Variants in PALLD observed in about 807,000 individuals in gnomAD.
PALLD encodes palladin.
PALLD carries 61 observed loss-of-function variants against 123.5 expected under a neutral mutation model. That is an observed-to-expected ratio of 0.49 (90% CI 0.40 to 0.61). The LOEUF is 0.61. PALLD is among the 20% of genes least tolerant of loss of function. The pLI, the probability that PALLD is intolerant of heterozygous loss-of-function variation, is 0.00. For synonymous variants in PALLD, 465 were observed against 496.4 expected (o/e 0.94, Z 0.84); for missense variants, 1,273 against 1,377.0 (o/e 0.92, Z 1.20).
At chr4:168,547,084 C>T (rs765781825) in intron 2 of PALLD, among the ~76,000 whole-genome samples, 1 of 151,972 alleles carries the variant, frequency 6.6e-6, no homozygotes, top group Non-Finnish European at 1.5e-5. Flanking sequence ...ATTCTGTTAC[C>T]CCTTGTCTCA....
At position 168,903,806 on chromosome 4, in the gene PALLD, A is replaced by G. The variant is rs1446250415; in HGVS notation, c.2522A>G (p.Tyr841Cys). 2 of 1,611,044 alleles carry G rather than the reference A, an allele frequency of 1.2e-6. No individual in the cohort carries two copies. Among genetic ancestry groups the G allele is most frequent in the Non-Finnish European group, 8.5e-7 (1 of 1,177,244 alleles). The change falls in exon 15 of 22, where the codon TAC (tyrosine) becomes TGC (cysteine). Residue 841 changes from tyrosine to cysteine, a missense_variant. Physicochemically the swap from Tyr to Cys is radical, Grantham distance 194. Around this residue, in one of 2 missense-constraint regions of PALLD, gnomAD observed 329 missense variants for 422.5 expected, o/e 0.78. Transcript: ENST00000505667. Reference protein sequence around the residue: ...GKQISPKSDHYTIQRDLDGTC... With the variant: ...GKQISPKSDHCTIQRDLDGTC... Reference sequence around the variant, plus strand: ...CAGATCTCTCCAAAGAGTGATCACTACACCATTCAAAGAGATCTCGATGGG... The same window carrying G: ...CAGATCTCTCCAAAGAGTGATCACTGCACCATTCAAAGAGATCTCGATGGG...
At chr4:168,515,244 CAT>C (rs879622762) in intron 2 of PALLD, among the ~76,000 whole-genome samples, 6 of 152,170 alleles carry the variant, frequency 3.9e-5, no homozygotes, top group African/African-American at 1.4e-4. Flanking sequence ...CTTTTGACCA[CAT>C]GAGACATATG....
chr4:168,522,595 G>A (rs1763662315), intron 2 of PALLD, among the ~76,000 whole-genome samples: 1 of 152,132 alleles, frequency 6.6e-6, no homozygotes, highest in African/African-American at 2.4e-5. Flanking sequence ...CATAATTACA[G>A]CAATTCAAGG....
At chr4:168,878,772 T>G (rs1338964659) in intron 10 of PALLD, among the ~76,000 whole-genome samples, 2 of 151,302 alleles carry the variant, frequency 1.3e-5, no homozygotes, top group African/African-American at 4.9e-5. Context: ...TCCTAAGAGG[T>G]AGCATTGCCC....
intron 2 of PALLD, among the ~76,000 whole-genome samples, chr4:168,566,388 C>T (rs1768383560): frequency 6.6e-6 from 1 of 152,130 alleles, no homozygotes; most frequent in Admixed American, 6.6e-5. Context: ...ACCTTGATCT[C>T]CCAGGGTCAA....
In PALLD at chr4:168,511,433, C is replaced by T; in HGVS notation, c.-72C>T. ...TATGCTGTCTTTCAGAACACAGTTT[C>T]AGAAAACAGTTTCCAGTGCCTCTGG... On this transcript the variant is annotated 5_prime_UTR_variant, in exon 2 of 22. Coordinates refer to ENST00000505667, the MANE Select transcript of PALLD (RefSeq NM_001166108.2). 8.8e-7 allele frequency: 1 copy of T among 1,139,172 alleles called. No homozygotes were observed. Among genetic ancestry groups the T allele is most frequent in the East Asian group, 2.3e-5 (1 of 42,722 alleles). The allele number at this position is 1,139,172 out of a possible 1,614,324, so 70.6% of individuals were successfully genotyped here. A position where few individuals can be genotyped will look rare whatever the true frequency, so the allele number is the denominator to read the frequency against.
At chr4:168,763,146 G>A (rs775037006) in intron 10 of PALLD, among the ~76,000 whole-genome samples, 2 of 152,172 alleles carry the variant, frequency 1.3e-5, no homozygotes, top group East Asian at 1.9e-4. Context: ...CATTCTGCAC[G>A]TGTATCCCAG....
chr4:168,684,468 C>G (rs1431131345), intron 5 of PALLD, among the ~76,000 whole-genome samples: 3 of 152,102 alleles, frequency 2.0e-5, no homozygotes, highest in Non-Finnish European at 2.9e-5. Context: ...AACGGAGGGA[C>G]CTTAAGCAAA....
chr4:168,861,477 A>G (rs193112308), intron 10 of PALLD, among the ~76,000 whole-genome samples: 1 of 152,154 alleles, frequency 6.6e-6, no homozygotes, highest in Admixed American at 6.5e-5. Context: ...TATCTTTTGC[A>G]TTTTGAAGAG....
At chr4:168,686,029 CT>C (rs994017017) in intron 6 of PALLD, among the ~76,000 whole-genome samples, 6 of 151,404 alleles carry the variant, frequency 4.0e-5, no homozygotes, top group Admixed American at 1.3e-4. Context: ...TTTTTCCTTC[CT>C]TTTTTTTAGA....
chr4:168,778,457 G>C (rs1735471529), intron 10 of PALLD, among the ~76,000 whole-genome samples: 1 of 152,172 alleles, frequency 6.6e-6, no homozygotes, highest in South Asian at 2.1e-4. Context: ...TAATAAAGTA[G>C]AGGCTTAAGC....
intron 2 of PALLD, among the ~76,000 whole-genome samples, chr4:168,539,071 T>G (rs1047754000): frequency 5.3e-5 from 8 of 152,232 alleles, no homozygotes; most frequent in Non-Finnish European, 1.2e-4. Flanking sequence ...AATTTGAAAT[T>G]GTTAAGAACA....
rs1304151546 is a variant in PALLD at position 168,683,054 on chromosome 4, C to T, written c.1211C>T (p.Thr404Ile). ...SLTIGSSSPK[T>I]GVTTAVIQPL... ...ACAATAGGATCATCATCTCCAAAGA[C>T]AGGGGTGACCACAGCTGTGATTCAA... The change falls in exon 5 of 22, where the codon ACA (threonine) becomes ATA (isoleucine). Residue 404 changes from threonine to isoleucine, a missense_variant. By Grantham distance (89) the Thr-to-Ile change is moderately conservative. Transcript: ENST00000505667. 1 of 1,612,984 alleles carries T rather than the reference C, an allele frequency of 6.2e-7. No individual in the cohort carries two copies. Among genetic ancestry groups the T allele is most frequent in the Admixed American group, 1.7e-5 (1 of 59,986 alleles).
intron 2 of PALLD, among the ~76,000 whole-genome samples, chr4:168,567,327 G>A (rs2076250433): frequency 6.6e-6 from 1 of 150,928 alleles, no homozygotes; most frequent in South Asian, 2.2e-4. Flanking sequence ...AACTCAATAA[G>A]AAATAAACAA....
chr4:168,785,865 A>ATATATATATATATATC, intron 10 of PALLD, among the ~76,000 whole-genome samples: 1 of 137,488 alleles, frequency 7.3e-6, no homozygotes, highest in Non-Finnish European at 1.6e-5. Context: ...ATATATATAT[A>ATATATATATATATATC]TATATATATA....
At chr4:168,771,830 C>A (rs1269712118) in intron 10 of PALLD, among the ~76,000 whole-genome samples, 1 of 152,138 alleles carries the variant, frequency 6.6e-6, no homozygotes, top group Non-Finnish European at 1.5e-5. Context: ...AGGTATAAGT[C>A]CCCCTTCCCT....
At chr4:168,773,585 G>A (rs1457298982) in intron 10 of PALLD, among the ~76,000 whole-genome samples, 5 of 152,176 alleles carry the variant, frequency 3.3e-5, no homozygotes, top group Non-Finnish European at 7.3e-5. Flanking sequence ...CAACAGACAA[G>A]TTACTGGTCT....
In PALLD at chr4:168,848,516, T is replaced by C. The variant is rs112380059; in HGVS notation, c.1965-42406T>C. On this transcript the variant is annotated intron_variant, in intron 10 of 21. Coordinates refer to ENST00000505667, the MANE Select transcript of PALLD (RefSeq NM_001166108.2). ...AGAAGGCTTCTCACACCACCACTGA[T>C]GAGAAAACAATTCGAGGAAAACGTA... Among the ~76,000 whole-genome samples the C allele has an allele frequency of 6.5e-3, 985 of 152,102 alleles. 10 individuals carry two copies. The highest frequency in any genetic ancestry group is 0.022 in the African/African-American group (910 of 41,476).
At chr4:168,783,170 T>G (rs1328826133) in intron 10 of PALLD, among the ~76,000 whole-genome samples, 2 of 152,002 alleles carry the variant, frequency 1.3e-5, no homozygotes, top group Non-Finnish European at 2.9e-5. Flanking sequence ...GACTTCCTCC[T>G]TTTTAATGGA....
Sources: gnomAD v4.1 joint callset for allele counts (sites outside exome capture counted in the v4.1 genomes callset) on GRCh38, gnomAD v4.1.1 for gene constraint, gnomAD v4.1.1 regional missense constraint, MANE v1.5 for transcripts, NCBI Gene and HGNC (gene_info 2026-07-23, HGNC 2026-07-21) for gene names.